The following KIAA1549L variants were observed in gnomAD, a reference collection of about 807,000 sequenced individuals.
KIAA1549L encodes KIAA1549 like, also known as UPF0606 protein KIAA1549L.
A neutral mutation model predicts 160.7 loss-of-function variants in KIAA1549L; 88 were observed. The observed-to-expected ratio is 0.55, with a 90% CI of 0.46 to 0.65. The LOEUF is 0.65. KIAA1549L is among the 30% of genes least tolerant of loss of function. The pLI is 0.00. For missense variants in KIAA1549L, 2,258 were observed against 2,437.5 expected (o/e 0.93, Z 1.55); for synonymous variants, 950 against 976.7 (o/e 0.97, Z 0.51).
intron 1 of KIAA1549L, among the ~76,000 whole-genome samples, chr11:33,467,227 G>A (rs73487004): frequency 0.016 from 2,432 of 152,160 alleles, 50 homozygotes; most frequent in African/African-American, 0.055. Context: ...ATTTGGAGAA[G>A]CAGCAGCCAG....
chr11:33,416,853 A>G (rs1193214197), intron 1 of KIAA1549L, among the ~76,000 whole-genome samples: 2 of 152,230 alleles, frequency 1.3e-5, no homozygotes, highest in African/African-American at 4.8e-5. Flanking sequence ...TTTTACCTTC[A>G]GCTGGATGCC....
chr11:33,505,169 C>T (rs1853051022), intron 1 of KIAA1549L, among the ~76,000 whole-genome samples: 1 of 152,200 alleles, frequency 6.6e-6, no homozygotes, highest in African/African-American at 2.4e-5. Flanking sequence ...AGAGCTGTTT[C>T]CTTCTGTCAT....
intron 8 of KIAA1549L, among the ~76,000 whole-genome samples, chr11:33,562,277 T>C (rs183204034): frequency 1.1e-3 from 168 of 152,306 alleles, no homozygotes; most frequent in African/African-American, 3.9e-3. Context: ...AAAAAGTTCT[T>C]CTTTGTGTTT....
chr11:33,596,368 C>T (rs1213499270), intron 12 of KIAA1549L, among the ~76,000 whole-genome samples: 1 of 152,084 alleles, frequency 6.6e-6, no homozygotes, highest in African/African-American at 2.4e-5. Flanking sequence ...CTCATTAACA[C>T]CTTTCCTTGG....
chr11:33,391,856 C>T lies in KIAA1549L; in HGVS notation c.238+14967C>T, dbSNP rs117564420. On this transcript the variant is annotated intron_variant, in intron 1 of 20. Transcript: ENST00000658780. ...ACAATTAATTTATTCTTTTAATTTCCCATGGGGCATAGCAAGAGAAAAATT... is the reference window on the plus strand; with the variant it reads ...ACAATTAATTTATTCTTTTAATTTCTCATGGGGCATAGCAAGAGAAAAATT... Among the ~76,000 whole-genome samples the T allele has an allele frequency of 7.7e-3, 1,168 of 152,270 alleles. 14 individuals are homozygous for T. Among genetic ancestry groups the T allele is most frequent in the Non-Finnish European group, 0.01 (697 of 68,024 alleles).
rs1851784712 is a variant in KIAA1549L, at chr11:33,648,295, CGAATCA to C, written c.5760+2263_5760+2268del. On this transcript the variant is annotated intron_variant, in intron 17 of 20. Transcript: ENST00000658780. ...ACAGGCGTGAGCCATCATGGCTGGC[CGAATCA>C]GAACATTATTAAACGCAGTCTTTTG... Among the ~76,000 whole-genome samples, 9 of 152,024 alleles carry C rather than the reference CGAATCA, an allele frequency of 5.9e-5. No individual in the cohort carries two copies. In the South Asian group the frequency reaches 1.9e-3, roughly 32 times the overall value.
At chr11:33,559,113 C>T (rs528181462) in intron 6 of KIAA1549L, among the ~76,000 whole-genome samples, 1 of 152,110 alleles carries the variant, frequency 6.6e-6, no homozygotes, top group Non-Finnish European at 1.5e-5. Context: ...GCTGGGATTA[C>T]AGGTGTGAGC....
intron 16 of KIAA1549L, among the ~76,000 whole-genome samples, chr11:33,625,220 C>T (rs1303229895): frequency 2.0e-5 from 3 of 151,918 alleles, no homozygotes; most frequent in Non-Finnish European, 2.9e-5. Context: ...AATAAACATA[C>T]GTGTGCATGT....
chr11:33,495,375 T>C (rs1852792235), intron 1 of KIAA1549L, among the ~76,000 whole-genome samples: 1 of 146,870 alleles, frequency 6.8e-6, no homozygotes, highest in South Asian at 2.2e-4. Context: ...GAATATGCGG[T>C]GTTTGGTTTT....
At chr11:33,587,923 A>T (rs181114087) in intron 11 of KIAA1549L, among the ~76,000 whole-genome samples, 32 of 152,306 alleles carry the variant, frequency 2.1e-4, no homozygotes, top group African/African-American at 7.7e-4. Flanking sequence ...ATGCTAACCA[A>T]GATAGGAAGC....
intron 1 of KIAA1549L, among the ~76,000 whole-genome samples, chr11:33,488,301 A>G (rs1852576451): frequency 6.6e-6 from 1 of 152,348 alleles, no homozygotes; most frequent in South Asian, 2.1e-4. Flanking sequence ...GAAACAATCC[A>G]TCTACAAGTG....
chr11:33,417,036 TTCTA>T (rs1213641537), intron 1 of KIAA1549L, among the ~76,000 whole-genome samples: 2 of 152,206 alleles, frequency 1.3e-5, no homozygotes, highest in African/African-American at 4.8e-5. Flanking sequence ...GATGGAAATG[TTCTA>T]TCTGTGTTGT....
chr11:33,524,157 T>G (rs779449831), intron 1 of KIAA1549L, among the ~76,000 whole-genome samples: 3 of 152,314 alleles, frequency 2.0e-5, no homozygotes, highest in Non-Finnish European at 4.4e-5. Flanking sequence ...TGTTAATCTG[T>G]CTGTTTAGGT....
chr11:33,614,398 C>A (rs1850724656), intron 15 of KIAA1549L, among the ~76,000 whole-genome samples: 1 of 150,254 alleles, frequency 6.7e-6, no homozygotes, highest in Non-Finnish European at 1.5e-5. Context: ...CCCTGATTAC[C>A]CCAGGGCCAG....
chr11:33,613,692 A>G (rs1294994771), intron 15 of KIAA1549L, among the ~76,000 whole-genome samples: 1 of 152,226 alleles, frequency 6.6e-6, no homozygotes, highest in Non-Finnish European at 1.5e-5. Flanking sequence ...ACTGGGGATT[A>G]CATTTCAACA....
At chr11:33,593,727 T>C (rs564212445) in intron 12 of KIAA1549L, among the ~76,000 whole-genome samples, 1 of 152,152 alleles carries the variant, frequency 6.6e-6, no homozygotes, top group Admixed American at 6.5e-5. Flanking sequence ...AGAAGTAGTT[T>C]GTAGGGGATG....
chr11:33,568,109 T>G lies in KIAA1549L; in HGVS notation c.4112T>G (p.Leu1371Arg). 1 of 1,612,356 alleles carries G rather than the reference T, an allele frequency of 6.2e-7. No homozygotes were observed. Among genetic ancestry groups the G allele is most frequent in the Non-Finnish European group, 8.5e-7 (1 of 1,179,288 alleles). ...LQGVDNSLVG[L>R]HNQSFARVME... ...GGTGTGGACAATTCGCTGGTGGGCC[T>G]GCACAACCAGAGCTTTGCCCGGGTC... The change falls in exon 9 of 21, where the codon CTG (leucine) becomes CGG (arginine). Residue 1371 changes from leucine to arginine, a missense_variant. By Grantham distance (102) the Leu-to-Arg change is moderately radical (BLOSUM62 -2). Coordinates refer to ENST00000658780, the MANE Select transcript of KIAA1549L (RefSeq NM_012194.3).
chr11:33,532,614 C>T (rs1234778196), intron 1 of KIAA1549L, among the ~76,000 whole-genome samples: 1 of 152,186 alleles, frequency 6.6e-6, no homozygotes, highest in Non-Finnish European at 1.5e-5. Context: ...GATTTGAATC[C>T]AGCCAGTCTG....
At chr11:33,401,603 C>G (rs548412773) in intron 1 of KIAA1549L, among the ~76,000 whole-genome samples, 1 of 151,908 alleles carries the variant, frequency 6.6e-6, no homozygotes, top group South Asian at 2.1e-4. Context: ...ACTCTGTCAC[C>G]AAGGCTGGAG....
Sources: allele counts gnomAD v4.1 joint callset (sites outside exome capture counted in the v4.1 genomes callset), GRCh38; gene constraint gnomAD v4.1.1; transcripts MANE v1.5; gene names NCBI Gene and HGNC (gene_info 2026-07-23, HGNC 2026-07-21).